HHAT: variants seen among roughly 807,000 people sequenced by gnomAD.
HHAT encodes the protein hedgehog acyltransferase, also known as protein-cysteine N-palmitoyltransferase HHAT.
In HHAT, 47 loss-of-function variants were observed where a neutral mutation model predicts 70.8. That is an observed-to-expected ratio of 0.66 (90% CI 0.53 to 0.85). The LOEUF is 0.85. HHAT is among the 40% of genes least tolerant of loss of function. The pLI is 0.00. For synonymous variants in HHAT, 228 were observed against 247.6 expected (o/e 0.92, Z 0.74); for missense variants, 609 against 604.8 (o/e 1.01, Z -0.07).
intron 11 of HHAT, among the ~76,000 whole-genome samples, chr1:210,671,340 C>A (rs926849629): frequency 6.6e-6 from 1 of 152,132 alleles, no homozygotes; most frequent in Non-Finnish European, 1.5e-5. Flanking sequence ...TTGGCCGGTC[C>A]CCTGGCATCT....
At chr1:210,470,277 T>G (rs2094181247) in intron 8 of HHAT, among the ~76,000 whole-genome samples, 1 of 151,744 alleles carries the variant, frequency 6.6e-6, no homozygotes, top group East Asian at 1.9e-4. Context: ...CGCATGGGAG[T>G]CCCCTGAATC....
At chr1:210,500,403 T>A (rs1047028320) in intron 8 of HHAT, among the ~76,000 whole-genome samples, 2 of 152,210 alleles carry the variant, frequency 1.3e-5, no homozygotes, top group Admixed American at 6.5e-5. Context: ...TGCTGGCACC[T>A]TTTTGGTAAG....
intron 10 of HHAT, among the ~76,000 whole-genome samples, chr1:210,592,370 C>G (rs1661923191): frequency 6.6e-6 from 1 of 151,990 alleles, no homozygotes; most frequent in South Asian, 2.1e-4. Flanking sequence ...CCTGGGTTCT[C>G]TATTCTGTTC....
intron 10 of HHAT, among the ~76,000 whole-genome samples, chr1:210,609,862 A>G (rs116763150): frequency 0.012 from 1,770 of 152,288 alleles, 32 homozygotes; most frequent in African/African-American, 0.036. Context: ...TTTGGGCTAC[A>G]TAGTATTTCA....
At chr1:210,457,989 G>T (rs1355010666) in intron 7 of HHAT, among the ~76,000 whole-genome samples, 1 of 152,134 alleles carries the variant, frequency 6.6e-6, no homozygotes, top group Non-Finnish European at 1.5e-5. Flanking sequence ...AATGTTAGTT[G>T]CACTTCCTCA....
chr1:210,420,543 G>A (rs1206883452), intron 7 of HHAT, among the ~76,000 whole-genome samples: 2 of 151,930 alleles, frequency 1.3e-5, no homozygotes, highest in African/African-American at 4.8e-5. Context: ...AATACATTTT[G>A]CCCTAATGCT....
chr1:210,482,985 T>C (rs1429842218), intron 8 of HHAT, among the ~76,000 whole-genome samples: 2 of 152,244 alleles, frequency 1.3e-5, no homozygotes, highest in South Asian at 2.1e-4. Flanking sequence ...TTTCCAAAGA[T>C]ACTATGCTGT....
intron 9 of HHAT, among the ~76,000 whole-genome samples, chr1:210,573,078 G>A (rs550213788): frequency 6.9e-4 from 105 of 152,336 alleles, no homozygotes; most frequent in Non-Finnish European, 1.2e-3. Context: ...TGCTTTGATA[G>A]AAACCAGTAG....
At chr1:210,506,202 T>C (rs576451047) in intron 8 of HHAT, among the ~76,000 whole-genome samples, 1 of 152,308 alleles carries the variant, frequency 6.6e-6, no homozygotes, top group African/African-American at 2.4e-5. Flanking sequence ...GCAGTCATAA[T>C]CATCATAAAT....
chr1:210,515,885 T>A (rs2095047779), intron 9 of HHAT, among the ~76,000 whole-genome samples: 1 of 150,444 alleles, frequency 6.6e-6, no homozygotes, highest in Admixed American at 6.6e-5. Flanking sequence ...CTGGGCAATA[T>A]GAAAAAAAAT....
chr1:210,668,685 T>C (rs566396720), intron 11 of HHAT, among the ~76,000 whole-genome samples: 2 of 152,362 alleles, frequency 1.3e-5, no homozygotes, highest in East Asian at 3.9e-4. Flanking sequence ...TACAGATATG[T>C]ATGTGGTAAT....
intron 8 of HHAT, among the ~76,000 whole-genome samples, chr1:210,467,348 A>G (rs1410663424): frequency 6.6e-6 from 1 of 150,728 alleles, no homozygotes; most frequent in Admixed American, 6.6e-5. Context: ...ATGCTCCTTT[A>G]CTAGTAGGAG....
At chr1:210,658,363 G>A (rs12402520) in intron 11 of HHAT, among the ~76,000 whole-genome samples, 5,986 of 152,154 alleles carry the variant, frequency 0.039, 270 homozygotes, top group African/African-American at 0.1. Context: ...TTATATATTT[G>A]CAGCAACTAT....
intron 10 of HHAT, among the ~76,000 whole-genome samples, chr1:210,623,123 G>A (rs1669177004): frequency 6.6e-6 from 1 of 152,242 alleles, no homozygotes; most frequent in African/African-American, 2.4e-5. Flanking sequence ...CAGACTTGGA[G>A]TCCTGTGGTG....
At chr1:210,597,993 G>A (rs991161723) in intron 10 of HHAT, among the ~76,000 whole-genome samples, 2 of 151,878 alleles carry the variant, frequency 1.3e-5, no homozygotes, top group Admixed American at 6.6e-5. Flanking sequence ...AGCACTGCCT[G>A]GCTACCACTG....
At chr1:210,531,719 A>G (rs1021007951) in intron 9 of HHAT, among the ~76,000 whole-genome samples, 7 of 152,250 alleles carry the variant, frequency 4.6e-5, no homozygotes, top group Non-Finnish European at 7.3e-5. Flanking sequence ...GAGAAAACCC[A>G]TATGAAAATG....
chr1:210,497,046 T>C (rs2094658927), intron 8 of HHAT, among the ~76,000 whole-genome samples: 1 of 152,248 alleles, frequency 6.6e-6, no homozygotes, highest in South Asian at 2.1e-4. Flanking sequence ...AGTTATACTT[T>C]TAGCTGATCT....
At chr1:210,556,317 C>T (rs1464195379) in intron 9 of HHAT, among the ~76,000 whole-genome samples, 1 of 152,176 alleles carries the variant, frequency 6.6e-6, no homozygotes, top group African/African-American at 2.4e-5. Context: ...TGAGTCCATT[C>T]TTGTGAAAAG....
intron 7 of HHAT, among the ~76,000 whole-genome samples, chr1:210,420,811 C>T (rs1253809340): frequency 4.0e-5 from 6 of 151,834 alleles, no homozygotes; most frequent in South Asian, 2.1e-4. Context: ...CTGATATTTT[C>T]GGTTCCATAT....
Sources: gnomAD v4.1 joint callset for allele counts (sites outside exome capture counted in the v4.1 genomes callset) on GRCh38, gnomAD v4.1.1 for gene constraint, MANE v1.5 for transcripts, NCBI Gene and HGNC (gene_info 2026-07-23, HGNC 2026-07-21) for gene names.